Variants in PDLIM5 observed in about 807,000 individuals in gnomAD.
PDLIM5 encodes PDZ and LIM domain protein 5.
A neutral mutation model predicts 64.2 loss-of-function variants in PDLIM5; 34 were observed. The ratio of observed to expected loss-of-function variants is 0.53; its 90% confidence interval spans 0.40 to 0.71. The LOEUF (loss-of-function observed/expected upper bound fraction) is 0.71, where lower values mean the gene tolerates loss of function less well. Among genes scored for constraint, PDLIM5 ranks in the 30% least tolerant of loss-of-function variants. The probability of loss-of-function intolerance (pLI) is 0.00; values close to 1 mark genes in which losing one functional copy is unlikely to be tolerated. For synonymous variants in PDLIM5, 253 were observed against 269.1 expected, an observed-to-expected ratio of 0.94 and a Z score of 0.59; for missense variants, 683 against 733.6, an observed-to-expected ratio of 0.93 and a Z score of 0.80.
At chr4:94,640,185 A>C (rs1740886998) in intron 8 of PDLIM5, 91 bp from the exon 9 acceptor site, 1 of 618,474 alleles carries the variant, frequency 1.6e-6, no homozygotes, top group African/African-American at 1.9e-5. Context: ...TGAATAGATT[A>C]CTGTTAAAAT....
rs1158723639 is a variant in PDLIM5, at chr4:94,501,444, A to G, written c.97-22280A>G. The stretch of plus-strand genomic sequence containing the variant: ...TTGCTGTTCCAGTGTAGTGCTAATC[A>G]AAGTGCTGCCTGTGGATTTGTCAGT... On this transcript the variant is annotated intron_variant, in intron 2 of 12. Transcript: ENST00000317968. Among the ~76,000 whole-genome samples, 3 of 152,150 alleles carry G rather than the reference A, an allele frequency of 2.0e-5. No individual in the cohort carries two copies. The East Asian group carries it at 5.8e-4, about 29-fold the overall frequency.
intron 9 of PDLIM5, among the ~76,000 whole-genome samples, chr4:94,651,045 T>C (rs1741806489): frequency 6.6e-6 from 1 of 152,210 alleles, no homozygotes; most frequent in Non-Finnish European, 1.5e-5. Flanking sequence ...TGTTCACAAA[T>C]GGAAACCCAA....
chr4:94,561,384 T>C (rs115397410), intron 3 of PDLIM5, among the ~76,000 whole-genome samples: 155 of 152,298 alleles, frequency 1.0e-3, no homozygotes, highest in African/African-American at 3.6e-3. Flanking sequence ...ACCATCAGTA[T>C]TCAGCAAGAA....
intron 8 of PDLIM5, among the ~76,000 whole-genome samples, chr4:94,625,700 G>A (rs535878098): frequency 1.6e-4 from 24 of 152,134 alleles, no homozygotes; most frequent in East Asian, 1.4e-3. Flanking sequence ...TGATCTGCCC[G>A]CCTCGGCCTC....
intron 2 of PDLIM5, among the ~76,000 whole-genome samples, chr4:94,467,116 A>T (rs1342082367): frequency 1.3e-5 from 2 of 152,196 alleles, no homozygotes; most frequent in Non-Finnish European, 2.9e-5. Flanking sequence ...ATTTTGTTAG[A>T]TCATGAGCCT....
intron 3 of PDLIM5, among the ~76,000 whole-genome samples, chr4:94,551,442 C>T (rs866962770): frequency 4.6e-5 from 7 of 152,080 alleles, no homozygotes; most frequent in Admixed American, 6.6e-5. Flanking sequence ...CTTGAATTCT[C>T]CCAAATCAAG....
intron 3 of PDLIM5, among the ~76,000 whole-genome samples, chr4:94,543,068 C>T (rs1353687647): frequency 6.6e-6 from 1 of 152,168 alleles, no homozygotes; most frequent in Non-Finnish European, 1.5e-5. Flanking sequence ...TTGCATACTA[C>T]ACTGTTTTAT....
At chr4:94,516,983 G>A (rs968830523) in intron 2 of PDLIM5, among the ~76,000 whole-genome samples, 6 of 152,186 alleles carry the variant, frequency 3.9e-5, no homozygotes, top group African/African-American at 1.2e-4. Flanking sequence ...AAATGCTGAA[G>A]TGTGATATTA....
At chr4:94,601,002 G>A (rs1164674693) in intron 7 of PDLIM5, among the ~76,000 whole-genome samples, 7 of 152,142 alleles carry the variant, frequency 4.6e-5, no homozygotes, top group Admixed American at 4.6e-4. Flanking sequence ...GCAGAGAAAT[G>A]TGTAAGAGTT....
chr4:94,644,953 GGTA>G (rs1741297880), intron 9 of PDLIM5, among the ~76,000 whole-genome samples: 1 of 152,032 alleles, frequency 6.6e-6, no homozygotes, highest in African/African-American at 2.4e-5. Context: ...TTGGGGAACA[GGTA>G]GTATTTGCTT....
At chr4:94,549,094 T>A (rs1372522691) in intron 3 of PDLIM5, among the ~76,000 whole-genome samples, 5 of 152,234 alleles carry the variant, frequency 3.3e-5, no homozygotes, top group Non-Finnish European at 7.3e-5. Flanking sequence ...AATACTTGTT[T>A]GTAGAAAACA....
At chr4:94,624,133 G>A (rs1014917976) in intron 8 of PDLIM5, among the ~76,000 whole-genome samples, 4 of 151,284 alleles carry the variant, frequency 2.6e-5, no homozygotes, top group African/African-American at 9.7e-5. Flanking sequence ...AACATAGCGG[G>A]ACCCCCATCT....
At chr4:94,619,714 C>G (rs1409824011) in intron 8 of PDLIM5, among the ~76,000 whole-genome samples, 4 of 152,200 alleles carry the variant, frequency 2.6e-5, no homozygotes, top group Non-Finnish European at 4.4e-5. Flanking sequence ...ACAATCATAG[C>G]TCACTGTAGC....
At chr4:94,535,162 G>A (rs75091762) in intron 3 of PDLIM5, among the ~76,000 whole-genome samples, 8,183 of 152,178 alleles carry the variant, frequency 0.054, 342 homozygotes, top group South Asian at 0.13. Flanking sequence ...GCTTAGTGAC[G>A]GCTTGAAATA....
chr4:94,619,909 T>C (rs76308821), intron 8 of PDLIM5, among the ~76,000 whole-genome samples: 9,695 of 152,122 alleles, frequency 0.064, 1,049 homozygotes, highest in African/African-American at 0.22. Context: ...AGGTGTGAGC[T>C]CTCATGCTTG....
intron 3 of PDLIM5, among the ~76,000 whole-genome samples, chr4:94,554,179 GC>G (rs944260462): frequency 1.3e-5 from 2 of 151,988 alleles, no homozygotes; most frequent in Non-Finnish European, 2.9e-5. Flanking sequence ...CCCTTTTGAG[GC>G]CATCTTCCAT....
In PDLIM5 at chr4:94,500,906, T is replaced by G. The variant is rs114433395; in HGVS notation, c.97-22818T>G. 5.0e-3 allele frequency among the ~76,000 whole-genome samples: 759 copies of G among 150,438 alleles called. 4 individuals are homozygous for G. Among genetic ancestry groups the G allele is most frequent in the African/African-American group, 0.017 (711 of 40,864 alleles). ...TCAAATGGTCCTCCTATCTCAAGTTTCCCAGTACTGAGACTACAGGCATGT... is the reference window on the plus strand; with the variant it reads ...TCAAATGGTCCTCCTATCTCAAGTTGCCCAGTACTGAGACTACAGGCATGT... On this transcript the variant is annotated intron_variant, in intron 2 of 12. Transcript: ENST00000317968.
chr4:94,606,110 C>T (rs1017124776), intron 7 of PDLIM5, among the ~76,000 whole-genome samples: 4 of 152,014 alleles, frequency 2.6e-5, no homozygotes, highest in South Asian at 2.1e-4. Flanking sequence ...ATTGTGAATT[C>T]GTTATTTGGA....
intron 7 of PDLIM5, chr4:94,611,315 T>C: frequency 3.6e-6 from 3 of 834,120 alleles, no homozygotes; most frequent in Non-Finnish European, 5.5e-6. Context: ...TTCTAGGGAT[T>C]TGTGCCCAAT....
Sources: gnomAD v4.1 joint callset for allele counts (sites outside exome capture counted in the v4.1 genomes callset) on GRCh38, gnomAD v4.1.1 for gene constraint, MANE v1.5 for transcripts, NCBI Gene and HGNC (gene_info 2026-07-23, HGNC 2026-07-21) for gene names.